Variants in MAML3 observed in about 807,000 individuals in gnomAD.
MAML3 encodes the protein mastermind like transcriptional coactivator 3, also known as mastermind-like protein 3.
MAML3 carries 27 observed loss-of-function variants against 101.9 expected under a neutral mutation model. The observed-to-expected ratio is 0.27, with a 90% confidence interval of 0.20 to 0.37. The LOEUF (loss-of-function observed/expected upper bound fraction) is 0.37, where lower values mean the gene tolerates loss of function less well. Ranked by LOEUF, MAML3 falls within the 10% of genes least tolerant of loss-of-function variation. MAML3 has a pLI of 1.00. For synonymous variants in MAML3, 501 were observed against 555.9 expected, an observed-to-expected ratio of 0.90 and a Z score of 1.39; for missense variants, 1,316 against 1,444.9, an observed-to-expected ratio of 0.91 and a Z score of 1.45.
intron 1 of MAML3, among the ~76,000 whole-genome samples, chr4:140,128,653 A>G (rs1728728067): frequency 6.6e-6 from 1 of 152,212 alleles, no homozygotes. Context: ...AGGCAGCTGC[A>G]GTGGTCCTCT....
chr4:139,781,612 T>C (rs1271629461), intron 2 of MAML3, among the ~76,000 whole-genome samples: 2 of 151,890 alleles, frequency 1.3e-5, no homozygotes, highest in East Asian at 3.9e-4. Flanking sequence ...TAACTATTAA[T>C]ATTGTTCTAA....
intron 1 of MAML3, among the ~76,000 whole-genome samples, chr4:139,896,632 GGTA>G (rs1476334206): frequency 2.1e-5 from 2 of 95,490 alleles, no homozygotes; most frequent in Admixed American, 1.3e-4. Flanking sequence ...GTGTGTGTGT[GGTA>G]TGTGGTGTGT....
rs7682243 is a variant in MAML3, at chr4:139,811,338, G to C, written c.2079+78019C>G. Among the ~76,000 whole-genome samples, 368 of 152,294 alleles carry C rather than the reference G, an allele frequency of 2.4e-3. 2 individuals are homozygous for C. The highest frequency in any genetic ancestry group is 8.4e-3 in the African/African-American group (351 of 41,550). On this transcript the variant is annotated intron_variant, in intron 2 of 4. Transcript: ENST00000509479. ...ACAGTCTAGAAAAGCCTTGGACAAG[G>C]GGGTGAGTGTGGGCTGGTCTCTTCA...
intron 1 of MAML3, among the ~76,000 whole-genome samples, chr4:140,102,961 C>CA (rs560367788): frequency 9.0e-4 from 137 of 152,266 alleles, no homozygotes; most frequent in African/African-American, 3.1e-3. Flanking sequence ...TGACACTTAG[C>CA]AAGGCAGAAA....
intron 2 of MAML3, among the ~76,000 whole-genome samples, chr4:139,791,133 A>G (rs1247843837): frequency 6.6e-6 from 1 of 152,230 alleles, no homozygotes; most frequent in Non-Finnish European, 1.5e-5. Flanking sequence ...AAGTTTTATA[A>G]TAATGGAAAC....
chr4:140,124,267 G>A (rs944185575), intron 1 of MAML3, among the ~76,000 whole-genome samples: 5 of 152,158 alleles, frequency 3.3e-5, no homozygotes, highest in Non-Finnish European at 5.9e-5. Flanking sequence ...CTTGAAATCT[G>A]TGCATAGAAA....
At position 139,906,750 on chromosome 4, in the gene MAML3, T is replaced by C. The variant is rs375507001; in HGVS notation, c.469-15783A>G. Among the ~76,000 whole-genome samples, 55 of 152,364 alleles carry C rather than the reference T, an allele frequency of 3.6e-4. 2 individuals are homozygous for C. The East Asian group carries it at 6.7e-3, about 19-fold the overall frequency. ...GCCATCCACATATTATTTATGCAGT[T>C]TCCATTATAATGCTACAGTTAAGTT... On this transcript the variant is annotated intron_variant, in intron 1 of 4. Coordinates refer to ENST00000509479, the MANE Select transcript of MAML3 (RefSeq NM_018717.5).
chr4:139,967,417 C>A (rs1175393705), intron 1 of MAML3, among the ~76,000 whole-genome samples: 2 of 151,558 alleles, frequency 1.3e-5, no homozygotes, highest in East Asian at 3.9e-4. Flanking sequence ...CTACAGTACT[C>A]CCCTTTTGAA....
intron 2 of MAML3, among the ~76,000 whole-genome samples, chr4:139,854,753 G>A (rs1731624949): frequency 6.6e-6 from 1 of 152,176 alleles, no homozygotes; most frequent in African/African-American, 2.4e-5. Flanking sequence ...TGCTAGTGCA[G>A]GAGGAAGGCC....
At chr4:139,872,947 G>A (rs1440295230) in intron 2 of MAML3, among the ~76,000 whole-genome samples, 3 of 152,018 alleles carry the variant, frequency 2.0e-5, no homozygotes. Context: ...CGGGCATGGT[G>A]GTGGGCGCCT....
At chr4:139,932,096 C>A (rs1560840463) in intron 1 of MAML3, among the ~76,000 whole-genome samples, 2 of 152,086 alleles carry the variant, frequency 1.3e-5, no homozygotes, top group Non-Finnish European at 2.9e-5. Flanking sequence ...CCTTTCTTTG[C>A]CCAAATTTTT....
chr4:140,100,497 A>G (rs1404853647), intron 1 of MAML3, among the ~76,000 whole-genome samples: 1 of 152,222 alleles, frequency 6.6e-6, no homozygotes, highest in Admixed American at 6.5e-5. Context: ...TAACTAAACA[A>G]TGCCCCTGTG....
chr4:140,088,180 T>C (rs1350762195), intron 1 of MAML3, among the ~76,000 whole-genome samples: 1 of 151,376 alleles, frequency 6.6e-6, no homozygotes, highest in African/African-American at 2.4e-5. Flanking sequence ...ATCTCACCAC[T>C]GCACTCCAGC....
Position 140,075,558 on chromosome 4 carries a change from ATAGGATG to A in MAML3, c.468+77295_468+77301del, listed in dbSNP as rs1727751372. Among the ~76,000 whole-genome samples the A allele has an allele frequency of 2.0e-5, 3 of 152,176 alleles. No homozygotes were observed. The South Asian group carries it at 6.2e-4, about 31-fold the overall frequency. Reference sequence around the variant, plus strand: ...ATATTATTTTATTTTATTTTTAGAGATAGGATGTCACTCTATCACCCAGACTGGAGTG... The same window carrying A: ...ATATTATTTTATTTTATTTTTAGAGATCACTCTATCACCCAGACTGGAGTG... On this transcript the variant is annotated intron_variant, in intron 1 of 4. Transcript: ENST00000509479.
intron 1 of MAML3, among the ~76,000 whole-genome samples, chr4:139,976,564 A>G (rs1734342178): frequency 1.3e-5 from 2 of 152,226 alleles, no homozygotes; most frequent in Admixed American, 6.5e-5. Flanking sequence ...CCTTCAGGAA[A>G]AAAAAGGTGG....
At chr4:139,895,970 G>A (rs4863702) in intron 1 of MAML3, among the ~76,000 whole-genome samples, 6,022 of 152,200 alleles carry the variant, frequency 0.04, 232 homozygotes, top group Admixed American at 0.12. Context: ...AGACATTATC[G>A]AAGATGCTGT....
At position 139,965,344 on chromosome 4, in the gene MAML3, T is replaced by G. The variant is rs760777077; in HGVS notation, c.469-74377A>C. Among the ~76,000 whole-genome samples, 71 of 152,240 alleles carry G rather than the reference T, an allele frequency of 4.7e-4. 1 individual carries two copies. The highest frequency in any genetic ancestry group is 6.2e-4 in the South Asian group (3 of 4,820). ...GAGAGTTGAACCTTTCCATTTTTGT[T>G]TTTTCCTACTATTATAAGCTCTCCC... On this transcript the variant is annotated intron_variant, in intron 1 of 4. Transcript: ENST00000509479.
chr4:139,996,686 C>CATGTGTAT (rs59834103), intron 1 of MAML3, among the ~76,000 whole-genome samples: 2 of 150,906 alleles, frequency 1.3e-5, no homozygotes, highest in Non-Finnish European at 3.0e-5. Flanking sequence ...ATAGTTGTAT[C>CATGTGTAT]GTGTGTGTGT....
At chr4:139,940,735 G>A (rs1298871225) in intron 1 of MAML3, among the ~76,000 whole-genome samples, 3 of 152,148 alleles carry the variant, frequency 2.0e-5, no homozygotes, top group Admixed American at 2.0e-4. Context: ...ATTTGATGTG[G>A]ATGCCATTAC....
Sources: allele counts gnomAD v4.1 joint callset (sites outside exome capture counted in the v4.1 genomes callset), GRCh38; gene constraint gnomAD v4.1.1; transcripts MANE v1.5; gene names NCBI Gene and HGNC (gene_info 2026-07-23, HGNC 2026-07-21).